Variants in WDPCP observed in about 807,000 individuals in gnomAD.
The protein encoded by WDPCP is WD repeat-containing and planar cell polarity effector protein fritz homolog.
A neutral mutation model predicts 93.1 loss-of-function variants in WDPCP; 71 were observed. The observed-to-expected ratio is 0.76, with a 90% CI of 0.63 to 0.93. The LOEUF is 0.93. WDPCP is among the 40% of genes least tolerant of loss of function. The pLI is 0.00. For synonymous variants in WDPCP, 315 were observed against 315.0 expected (o/e 1.00, Z 0.00); for missense variants, 844 against 887.4 (o/e 0.95, Z 0.62).
At chr2:63,717,417 T>C (rs1669354858) in intron 2 of WDPCP, 2 of 400,222 alleles carry the variant, frequency 5.0e-6, no homozygotes, top group African/African-American at 4.2e-5. Flanking sequence ...GGTCATGGTA[T>C]CCCTGAATGC....
rs376623161 is a variant in WDPCP at position 63,121,755 on chromosome 2, A to G, written c.*251T>C. On this transcript the variant is annotated 3_prime_UTR_variant, in exon 18 of 18. Coordinates refer to ENST00000272321, the MANE Select transcript of WDPCP (RefSeq NM_015910.7). ...ACCTAATTAACATACAATTTAAGAC[A>G]CTTTCAAAATTTTACATTATTGAAA... The G allele has an allele frequency of 3.0e-5, 28 of 938,732 alleles. 1 individual carries two copies. In the African/African-American group the frequency reaches 3.4e-4, roughly 11 times the overall value. The allele number at this position is 938,732 out of a possible 1,614,324, so 58.2% of individuals were successfully genotyped here.
intron 14 of WDPCP, chr2:63,233,188 G>A (rs939827977): frequency 1.3e-5 from 2 of 154,034 alleles, no homozygotes; most frequent in African/African-American, 4.8e-5. Flanking sequence ...TTCATTTGCA[G>A]GCAGATCTTT....
intron 13 of WDPCP, among the ~76,000 whole-genome samples, chr2:63,265,739 G>A (rs185330956): frequency 2.6e-5 from 4 of 152,226 alleles, no homozygotes; most frequent in South Asian, 4.2e-4. Context: ...TGTCCCTGAT[G>A]AACACAGATG....
chr2:63,563,198 T>C (rs777339359), intron 1 of WDPCP, among the ~76,000 whole-genome samples: 7 of 152,074 alleles, frequency 4.6e-5, no homozygotes, highest in South Asian at 2.1e-4. Flanking sequence ...CATCAAAAAA[T>C]TGTAATGTTA....
At chr2:63,403,761 A>G (rs1465141682) in intron 10 of WDPCP, 9 of 297,450 alleles carry the variant, frequency 3.0e-5, no homozygotes, top group Non-Finnish European at 6.3e-6. Context: ...TTCTTAAGGA[A>G]TTATTTAGTA....
In WDPCP at chr2:63,691,567, G is replaced by A. The variant is rs190074154; in HGVS notation, n.309-40729C>T. The stretch of plus-strand genomic sequence containing the variant: ...AAAGAATCGCTTGAACCTGGGGGGC[G>A]GAGGTTGCAGTGAGCCAAGATTGTG... On this transcript the variant is annotated intron_variant and non_coding_transcript_variant, in intron 2 of 4. Transcript: ENST00000467687. Among the ~76,000 whole-genome samples the A allele has an allele frequency of 1.1e-3, 160 of 152,144 alleles. 1 individual carries two copies. The highest frequency in any genetic ancestry group is 8.2e-4 in the Non-Finnish European group (56 of 67,990).
intron 6 of WDPCP, among the ~76,000 whole-genome samples, chr2:63,463,429 A>G (rs567731657): frequency 6.6e-6 from 1 of 152,180 alleles, no homozygotes; most frequent in Non-Finnish European, 1.5e-5. Context: ...TGGTACCTGG[A>G]GGAGAATGTG....
At chr2:63,295,539 A>AT (rs1345380044) in intron 13 of WDPCP, among the ~76,000 whole-genome samples, 2 of 53,864 alleles carry the variant, frequency 3.7e-5, no homozygotes, top group East Asian at 1.7e-3. Flanking sequence ...GTTACAAGAG[A>AT]TAAAAAAAAG....
intron 1 of WDPCP, among the ~76,000 whole-genome samples, chr2:63,586,761 T>G (rs1708870195): frequency 6.6e-6 from 1 of 152,198 alleles, no homozygotes; most frequent in African/African-American, 2.4e-5. Context: ...GGCTTACATG[T>G]TTGTGGCCTT....
intron 13 of WDPCP, among the ~76,000 whole-genome samples, chr2:63,293,188 C>A (rs181016437): frequency 6.6e-6 from 1 of 152,130 alleles, no homozygotes; most frequent in African/African-American, 2.4e-5. Context: ...TTCTTTCTTG[C>A]CCCTTTGCGA....
rs143834691 is a variant in WDPCP at position 63,233,807 on chromosome 2, G to A, written c.1915+25500C>T. Among the ~76,000 whole-genome samples, 228 of 152,206 alleles carry A rather than the reference G, an allele frequency of 1.5e-3. 1 individual carries two copies. Among genetic ancestry groups the A allele is most frequent in the African/African-American group, 5.3e-3 (219 of 41,524 alleles). On this transcript the variant is annotated intron_variant, in intron 14 of 17. Coordinates refer to ENST00000272321, the MANE Select transcript of WDPCP (RefSeq NM_015910.7). ...TGCATGCCTCGACTTGCAGGCCACA[G>A]ACATTAATGATGCCCTCACTTAGGG...
chr2:63,561,545 C>A (rs1413812222), intron 1 of WDPCP, among the ~76,000 whole-genome samples: 1 of 149,658 alleles, frequency 6.7e-6, no homozygotes, highest in Non-Finnish European at 1.5e-5. Context: ...TCTAATGAAA[C>A]TAAAGAGCTT....
intron 1 of WDPCP, among the ~76,000 whole-genome samples, chr2:63,494,884 C>A (rs943027790): frequency 7.0e-6 from 1 of 142,714 alleles, no homozygotes; most frequent in Non-Finnish European, 1.5e-5. Context: ...CGCGCCACTG[C>A]ACTCCAGCCT....
chr2:63,830,169 T>C (rs1575784442), upstream of WDPCP, among the ~76,000 whole-genome samples: 1 of 152,278 alleles, frequency 6.6e-6, no homozygotes, highest in African/African-American at 2.4e-5. Flanking sequence ...TTTACTTTTT[T>C]CTTAAAGCCA....
chr2:63,692,748 ATATACAT>A (rs1190997306), intron 2 of WDPCP, among the ~76,000 whole-genome samples: 1 of 152,220 alleles, frequency 6.6e-6, no homozygotes, highest in East Asian at 1.9e-4. Context: ...AGGAATAAAT[ATATACAT>A]AATGGCTTAT....
At chr2:63,494,266 A>AGATGAT (rs754084408) in intron 1 of WDPCP, among the ~76,000 whole-genome samples, 9 of 119,958 alleles carry the variant, frequency 7.5e-5, no homozygotes, top group Non-Finnish European at 1.3e-4. Flanking sequence ...AGATTTCACC[A>AGATGAT]GATGATGATG....
At chr2:63,757,748 A>T (rs1251601411) in intron 2 of WDPCP, among the ~76,000 whole-genome samples, 1 of 152,164 alleles carries the variant, frequency 6.6e-6, no homozygotes, top group African/African-American at 2.4e-5. Context: ...AGTGGAAATG[A>T]TATGTGTCAC....
Position 63,153,478 on chromosome 2 carries a change from G to C in WDPCP, c.2158+17C>G, listed in dbSNP as rs1672017025. On this transcript the variant is annotated intron_variant, in intron 16 of 17. Transcript: ENST00000272321. The stretch of plus-strand genomic sequence containing the variant: ...TCTGTTATACTTTGAATACTTGGGT[G>C]TCTTGAATACCATTACCTTCTGCAT... 6.3e-7 allele frequency: 1 copy of C among 1,592,746 alleles called. No individual in the cohort carries two copies. Among genetic ancestry groups the C allele is most frequent in the Admixed American group, 1.7e-5 (1 of 59,760 alleles).
rs116076236 is a variant in WDPCP at position 63,477,029 on chromosome 2, A to T, written c.384+7575T>A. Among the ~76,000 whole-genome samples the T allele has an allele frequency of 8.1e-3, 1,236 of 152,326 alleles. 20 individuals carry two copies. The highest frequency in any genetic ancestry group is 0.029 in the African/African-American group (1,204 of 41,584). ...ACCATGGTACAGCTGACTATATTATATACTTTTATAGTTAAATTTACATGC... is the reference window on the plus strand; with the variant it reads ...ACCATGGTACAGCTGACTATATTATTTACTTTTATAGTTAAATTTACATGC... On this transcript the variant is annotated intron_variant, in intron 6 of 17. Transcript: ENST00000272321.
Sources: gnomAD v4.1 joint callset for allele counts (sites outside exome capture counted in the v4.1 genomes callset) on GRCh38, gnomAD v4.1.1 for gene constraint, MANE v1.5 for transcripts, NCBI Gene and HGNC (gene_info 2026-07-23, HGNC 2026-07-21) for gene names.